The following EHHADH variants were observed in gnomAD, a reference collection of about 807,000 sequenced individuals.
EHHADH encodes the protein enoyl-CoA hydratase and 3-hydroxyacyl CoA dehydrogenase.
EHHADH carries 48 observed loss-of-function variants against 64.4 expected under a neutral mutation model. The observed-to-expected ratio is 0.75, with a 90% CI of 0.59 to 0.95. EHHADH has a LOEUF of 0.95. EHHADH is among the 40% of genes least tolerant of loss of function. The pLI, the probability that EHHADH is intolerant of heterozygous loss-of-function variation, is 0.00. For synonymous variants in EHHADH, 308 were observed against 326.7 expected (o/e 0.94, Z 0.62); for missense variants, 854 against 876.6 (o/e 0.97, Z 0.33).
At chr3:185,252,902 G>A (rs1005187788) in intron 1 of EHHADH, among the ~76,000 whole-genome samples, 1 of 152,004 alleles carries the variant, frequency 6.6e-6, no homozygotes, top group African/African-American at 2.4e-5. Context: ...CCTGTGGATA[G>A]GTAATTCTTT....
intron 6 of EHHADH, among the ~76,000 whole-genome samples, chr3:185,201,977 T>C (rs1718240426): frequency 6.6e-6 from 1 of 152,212 alleles, no homozygotes; most frequent in Non-Finnish European, 1.5e-5. Context: ...ATTGCTGAAA[T>C]ATTTAATAGT....
intron 1 of EHHADH, among the ~76,000 whole-genome samples, chr3:185,249,712 C>T (rs2108653635): frequency 6.6e-6 from 1 of 152,332 alleles, no homozygotes; most frequent in Admixed American, 6.5e-5. Context: ...ATCAATTAAG[C>T]CTCCTTCCTT....
At chr3:185,252,082 G>C (rs1454087835) in intron 1 of EHHADH, among the ~76,000 whole-genome samples, 3 of 152,144 alleles carry the variant, frequency 2.0e-5, no homozygotes, top group African/African-American at 7.2e-5. Context: ...GGCAAGGAGA[G>C]CAGGTTAAAT....
chr3:185,210,084 A>C (rs1718498444), intron 5 of EHHADH, among the ~76,000 whole-genome samples: 3 of 152,280 alleles, frequency 2.0e-5, no homozygotes, highest in Non-Finnish European at 4.4e-5. Context: ...AAGAGCATGG[A>C]GGCACAAGCG....
rs1301500329 is a variant in EHHADH, at chr3:185,192,229, C to T, written c.2169G>A (p.Leu723=). 8 of 1,611,232 alleles carry T rather than the reference C, an allele frequency of 5.0e-6. No individual in the cohort carries two copies. Among genetic ancestry groups the T allele is most frequent in the Non-Finnish European group, 6.8e-6 (8 of 1,178,708 alleles). ...QSLAGSPSSK[L] ...AGGCATAATCTGGAAGACTGAATCA[C>T]AATTTACTGCTAGGGGAGCCTGCCA... The change falls in exon 7 of 7, where the codon TTG becomes TTA. Residue 723 remains leucine, a synonymous_variant. Coordinates refer to ENST00000231887, the MANE Select transcript of EHHADH (RefSeq NM_001966.4).
At chr3:185,240,310 C>A (rs976925421) in intron 2 of EHHADH, among the ~76,000 whole-genome samples, 1 of 150,602 alleles carries the variant, frequency 6.6e-6, no homozygotes, top group African/African-American at 2.4e-5. Flanking sequence ...AATCTTTCCT[C>A]CTTGATTTTT....
At chr3:185,223,010 G>A (rs898139507) in intron 4 of EHHADH, among the ~76,000 whole-genome samples, 1 of 152,136 alleles carries the variant, frequency 6.6e-6, no homozygotes, top group Non-Finnish European at 1.5e-5. Flanking sequence ...GTTTTTCCAG[G>A]AAAATGGCAT....
chr3:185,250,106 A>G (rs1719705373), intron 1 of EHHADH, among the ~76,000 whole-genome samples: 1 of 152,246 alleles, frequency 6.6e-6, no homozygotes, highest in African/African-American at 2.4e-5. Context: ...CACTGCTGTG[A>G]GAGAAATTAG....
intron 2 of EHHADH, among the ~76,000 whole-genome samples, chr3:185,236,757 A>G (rs1719307334): frequency 6.6e-6 from 1 of 152,096 alleles, no homozygotes; most frequent in Non-Finnish European, 1.5e-5. Flanking sequence ...TTGGTTCTAG[A>G]GAAACAAGAT....
intron 4 of EHHADH, among the ~76,000 whole-genome samples, chr3:185,220,987 A>T (rs539044402): frequency 6.6e-6 from 1 of 152,238 alleles, no homozygotes; most frequent in Non-Finnish European, 1.5e-5. Context: ...TTTCTATGCA[A>T]ATCAAAACCC....
At chr3:185,239,306 C>A (rs1719385627) in intron 2 of EHHADH, among the ~76,000 whole-genome samples, 2 of 151,998 alleles carry the variant, frequency 1.3e-5, no homozygotes, top group South Asian at 4.1e-4. Flanking sequence ...ATTGTTTTTT[C>A]TAATTCCATG....
intron 2 of EHHADH, among the ~76,000 whole-genome samples, chr3:185,239,245 A>G (rs1312752995): frequency 6.6e-6 from 1 of 152,044 alleles, no homozygotes. Flanking sequence ...TCTTTTTCTT[A>G]GGATTGCTTT....
At chr3:185,213,707 C>T (rs1174549442) in intron 5 of EHHADH, among the ~76,000 whole-genome samples, 1 of 151,494 alleles carries the variant, frequency 6.6e-6, no homozygotes, top group Non-Finnish European at 1.5e-5. Flanking sequence ...TGGTGAAACT[C>T]CATCTCTAAT....
Position 185,248,495 on chromosome 3 carries a change from T to G in EHHADH, c.97A>C (p.Lys33Gln). 1 of 1,612,926 alleles carries G rather than the reference T, an allele frequency of 6.2e-7. No homozygotes were observed. The highest frequency in any genetic ancestry group is 8.5e-7 in the Non-Finnish European group (1 of 1,179,386). ...AISTTLLRDI[K>Q]EGLQKAVIDH... Reference sequence around the variant, plus strand: ...ATTACAGCTTTCTGTAGTCCTTCTTTTATGTCACGGAGTAAAGTCGTACTA... The same window carrying G: ...ATTACAGCTTTCTGTAGTCCTTCTTGTATGTCACGGAGTAAAGTCGTACTA... The change falls in exon 2 of 7, where the codon AAA (lysine) becomes CAA (glutamine). Residue 33 changes from lysine to glutamine, a missense_variant. By Grantham distance (53) the Lys-to-Gln change is moderately conservative. Coordinates refer to ENST00000231887, the MANE Select transcript of EHHADH (RefSeq NM_001966.4).
chr3:185,232,042 C>A (rs1719148236), intron 3 of EHHADH, among the ~76,000 whole-genome samples: 1 of 151,972 alleles, frequency 6.6e-6, no homozygotes, highest in Non-Finnish European at 1.5e-5. Flanking sequence ...TATTTTATTG[C>A]CTTTCTTGGC....
chr3:185,193,609 C>T, intron 6 of EHHADH, 122 bp from the exon 7 acceptor site: 1 of 1,141,618 alleles, frequency 8.8e-7, no homozygotes, highest in Non-Finnish European at 1.2e-6. Context: ...TCAAGAAACA[C>T]AAATGGATTG....
intron 5 of EHHADH, among the ~76,000 whole-genome samples, chr3:185,217,697 T>C: frequency 6.6e-6 from 1 of 151,944 alleles, no homozygotes. Flanking sequence ...ACCATGCTTG[T>C]ACAACCTGCG....
intron 2 of EHHADH, among the ~76,000 whole-genome samples, chr3:185,241,590 T>A (rs1719454375): frequency 6.6e-6 from 1 of 152,216 alleles, no homozygotes; most frequent in Admixed American, 6.5e-5. Context: ...GTTGGCCAAT[T>A]GTGTATATTC....
chr3:185,201,354 C>T (rs1718216735), intron 6 of EHHADH, among the ~76,000 whole-genome samples: 1 of 152,148 alleles, frequency 6.6e-6, no homozygotes, highest in Admixed American at 6.5e-5. Context: ...TGGAAGGCAG[C>T]CATGACAGTA....
Sources: gnomAD v4.1 joint callset for allele counts (sites outside exome capture counted in the v4.1 genomes callset) on GRCh38, gnomAD v4.1.1 for gene constraint, MANE v1.5 for transcripts, NCBI Gene and HGNC (gene_info 2026-07-23, HGNC 2026-07-21) for gene names.